The following PLEKHH1 variants were observed in gnomAD, a reference collection of about 807,000 sequenced individuals.
PLEKHH1 encodes the protein pleckstrin homology, MyTH4 and FERM domain containing H1, also known as pleckstrin homology domain-containing family H member 1.
In PLEKHH1, 104 loss-of-function variants were observed where a neutral mutation model predicts 160.0. The ratio of observed to expected loss-of-function variants is 0.65; its 90% CI spans 0.55 to 0.76. The LOEUF (loss-of-function observed/expected upper bound fraction) is 0.76. Ranked by LOEUF, PLEKHH1 falls within the 30% of genes least tolerant of loss-of-function variation. The probability of loss-of-function intolerance (pLI) is 0.00; values close to 1 mark genes in which losing one functional copy is unlikely to be tolerated. For synonymous variants in PLEKHH1, 619 were observed against 678.4 expected, an observed-to-expected ratio of 0.91 and a Z score of 1.36; for missense variants, 1,427 against 1,724.1, an observed-to-expected ratio of 0.83 and a Z score of 3.05.
At chr14:67,558,709 G>T (rs1373461735) in intron 4 of PLEKHH1, among the ~76,000 whole-genome samples, 1 of 152,230 alleles carries the variant, frequency 6.6e-6, no homozygotes, top group East Asian at 1.9e-4. Context: ...ACAGAGGCAA[G>T]TCACTTCTTG....
Position 67,569,964 on chromosome 14 carries a change from C to G in PLEKHH1, c.1386C>G (p.Gly462=), listed in dbSNP as rs1193285513. The change falls in exon 9 of 29, where the codon GGC becomes GGG. Residue 462 remains glycine, a synonymous_variant. Transcript: ENST00000329153. ...TTGTTTCCCCTGGGTCTTTCTCTGG[C>G]CTGGTCTACAAGAATGTCACTGTGC... ...PALVSPGSFS[G]LVYKNVTVPV... 1.2e-6 allele frequency: 2 copies of G among 1,609,930 alleles called. No individual in the cohort carries two copies. Among genetic ancestry groups the G allele is most frequent in the Admixed American group, 3.4e-5 (2 of 59,560 alleles).
Position 67,574,231 on chromosome 14 carries a change from G to A in PLEKHH1, c.1927-11G>A, listed in dbSNP as rs748238113. On this transcript the variant is annotated splice_polypyrimidine_tract_variant and intron_variant, in intron 13 of 28. Transcript: ENST00000329153. The surrounding 1 kb of genome is among the most constrained non-coding windows in gnomAD (Gnocchi z 4.2). ...GCGTGCTGCCCCACCCCCATATCTC[G>A]CCCTCCACAGCTCATCTCTGAGAAG... 55 of 1,581,640 alleles carry A rather than the reference G, an allele frequency of 3.5e-5. No individual in the cohort carries two copies. The highest frequency in any genetic ancestry group is 5.4e-5 in the Admixed American group (3 of 55,732).
In PLEKHH1 at chr14:67,555,856, C is replaced by T. The variant is rs754300896; in HGVS notation, c.158C>T (p.Ala53Val). 6.2e-7 allele frequency: 1 copy of T among 1,613,426 alleles called. No homozygotes were observed. The highest frequency in any genetic ancestry group is 1.1e-5 in the South Asian group (1 of 91,012). ...GAGCTGGAGCAGAGGCTGCTGGAGG[C>T]AGAGCAGAGAGCAGAGAACGCTGAG... ...MQELEQRLLE[A>V]EQRAENAETQ... Residue 53 changes from alanine to valine, a missense_variant, in exon 3 of 29, where the codon GCA (alanine) becomes GTA (valine). By Grantham distance (64) the Ala-to-Val change is moderately conservative (BLOSUM62 0). Around this residue, in one of 6 missense-constraint regions of PLEKHH1, gnomAD observed 831 missense variants for 929.2 expected, o/e 0.89. Transcript: ENST00000329153.
At position 67,550,337 on chromosome 14, in the gene PLEKHH1, C is replaced by T. The variant is rs111230872; in HGVS notation, c.127-5488C>T. 8.2e-4 allele frequency among the ~76,000 whole-genome samples: 125 copies of T among 152,262 alleles called. 1 individual carries two copies. The highest frequency in any genetic ancestry group is 2.9e-3 in the African/African-American group (119 of 41,550). On this transcript the variant is annotated intron_variant, in intron 2 of 28. Transcript: ENST00000329153. ...CTAAGTAGGTGGGACCACAGTTGCA[C>T]ACCAACATGCCTGGCTGATTTTTGT...
At chr14:67,569,330 G>C (rs2035260090) in intron 8 of PLEKHH1, 114 bp downstream of exon 8, 1 of 676,364 alleles carries the variant, frequency 1.5e-6, no homozygotes, top group East Asian at 2.6e-5. Context: ...GGCCTACCCT[G>C]TTCCCCTCCC....
chr14:67,548,679 A>C (rs1682362595), intron 2 of PLEKHH1, among the ~76,000 whole-genome samples: 1 of 152,236 alleles, frequency 6.6e-6, no homozygotes, highest in African/African-American at 2.4e-5. Context: ...CTCGGGCGAC[A>C]AGAGCAAAAC....
intron 4 of PLEKHH1, among the ~76,000 whole-genome samples, chr14:67,559,356 C>T (rs2034727232): frequency 6.6e-6 from 1 of 152,226 alleles, no homozygotes; most frequent in South Asian, 2.1e-4. Flanking sequence ...GCACAGCGTT[C>T]TCCTTCCATG....
chr14:67,573,432 C>A lies in PLEKHH1; in HGVS notation c.1839+46C>A. ...CACTGCAGTCAAAAGGTCTCCACAT[C>A]ACACCCTGGACTATGTCAGATGGGA... is the stretch of plus-strand genomic sequence containing the variant. On this transcript the variant is annotated intron_variant, in intron 12 of 28. Coordinates refer to ENST00000329153, the MANE Select transcript of PLEKHH1 (RefSeq NM_020715.3). This position sits in a 1 kb window ranked among gnomAD's most constrained non-coding sequence, Gnocchi z 4.8. 8.8e-7 allele frequency: 1 copy of A among 1,140,256 alleles called. No individual in the cohort carries two copies. Among genetic ancestry groups the A allele is most frequent in the Non-Finnish European group, 1.3e-6 (1 of 750,346 alleles). The allele number at this position is 1,140,256 out of a possible 1,614,324, so 70.6% of individuals were successfully genotyped here.
Position 67,569,152 on chromosome 14 carries a change from T to C in PLEKHH1, c.1278T>C (p.Tyr426=). Residue 426 remains tyrosine, a synonymous_variant, in exon 8 of 29, where the codon TAT becomes TAC. Coordinates refer to ENST00000329153, the MANE Select transcript of PLEKHH1 (RefSeq NM_020715.3). The part of the protein sequence containing the change: ...HQFSSWESRI[Y]AVATSGMRLS... ...TCTTGTTTCAGGAGAGCCGGATCTATGCTGTGGCCACATCGGGCATGCGGC... is the reference window on the plus strand; with the variant it reads ...TCTTGTTTCAGGAGAGCCGGATCTACGCTGTGGCCACATCGGGCATGCGGC... 1 of 1,612,206 alleles carries C rather than the reference T, an allele frequency of 6.2e-7. No homozygotes were observed. The highest frequency in any genetic ancestry group is 8.5e-7 in the Non-Finnish European group (1 of 1,178,610).
At chr14:67,534,046 A>T (rs974907080) in intron 1 of PLEKHH1, among the ~76,000 whole-genome samples, 9 of 152,064 alleles carry the variant, frequency 5.9e-5, no homozygotes, top group African/African-American at 2.2e-4. Flanking sequence ...CTATGAATCC[A>T]CCTCATAAAA....
At chr14:67,554,453 T>C (rs9972155) in intron 2 of PLEKHH1, among the ~76,000 whole-genome samples, 36,298 of 152,052 alleles carry the variant, frequency 0.24, 4,743 homozygotes, top group Non-Finnish European at 0.29. Context: ...GTGGAAGGCG[T>C]GGCTGGGATG....
In PLEKHH1 at chr14:67,586,081, G is replaced by C; in HGVS notation, c.3917G>C (p.Arg1306Pro). The C allele has an allele frequency of 1.2e-6, 2 of 1,613,836 alleles. No individual in the cohort carries two copies. Among genetic ancestry groups the C allele is most frequent in the Non-Finnish European group, 1.7e-6 (2 of 1,179,862 alleles). ...GKSHIEKLIF[R>P]MAAPKIAEAT... The stretch of plus-strand genomic sequence containing the variant: ...AGCCACATTGAGAAGTTGATCTTCC[G>C]GATGGCTGCTCCCAAGGTAGGTCTG... Residue 1306 changes from arginine to proline, a missense_variant, in exon 28 of 29, where the codon CGG becomes CCG. Arg to Pro is a moderately radical substitution (Grantham distance 103, BLOSUM62 -2). This residue lies in a region of PLEKHH1 where 96 missense variants were observed against 97.6 expected (regional missense o/e 0.98). Coordinates refer to ENST00000329153, the MANE Select transcript of PLEKHH1 (RefSeq NM_020715.3).
intron 3 of PLEKHH1, among the ~76,000 whole-genome samples, chr14:67,556,415 C>T (rs1566734370): frequency 2.6e-5 from 4 of 152,100 alleles, no homozygotes; most frequent in African/African-American, 9.7e-5. Context: ...AGATTACAGG[C>T]GTGAGCCACT....
chr14:67,537,360 A>G (rs2033774206), intron 1 of PLEKHH1, among the ~76,000 whole-genome samples: 1 of 136,494 alleles, frequency 7.3e-6, no homozygotes, highest in African/African-American at 2.8e-5. Flanking sequence ...AATAATAATA[A>G]TAATAATAAT....
At chr14:67,561,031 GACAA>G (rs2034814066) in intron 5 of PLEKHH1, among the ~76,000 whole-genome samples, 1 of 152,144 alleles carries the variant, frequency 6.6e-6, no homozygotes, top group Non-Finnish European at 1.5e-5. Context: ...ACACCCGGCT[GACAA>G]ACATACATCT....
chr14:67,578,288 T>A lies in PLEKHH1; in HGVS notation c.2751+89T>A, dbSNP rs2035722310. ...GTGGGAGGAGGTGACTGGGCAGGTA[T>A]ACGGTGAGCCCAGCCAGCGGGCAGC... is the stretch of plus-strand genomic sequence containing the variant. On this transcript the variant is annotated intron_variant, in intron 19 of 28. Transcript: ENST00000329153. The surrounding 1 kb of genome is among the most constrained non-coding windows in gnomAD (Gnocchi z 5.0). 13 of 1,203,208 alleles carry A rather than the reference T, an allele frequency of 1.1e-5. No individual in the cohort carries two copies. Among genetic ancestry groups the A allele is most frequent in the Admixed American group, 3.6e-5 (2 of 56,322 alleles). 74.5% of individuals were successfully genotyped at this position (1,203,208 alleles called of 1,614,324 possible).
chr14:67,541,991 A>G lies in PLEKHH1; in HGVS notation c.124A>G (p.Lys42Glu). 3 of 1,603,988 alleles carry G rather than the reference A, an allele frequency of 1.9e-6. No individual in the cohort carries two copies. Among genetic ancestry groups the G allele is most frequent in the Non-Finnish European group, 2.6e-6 (3 of 1,175,800 alleles). The change falls in exon 2 of 29, where the codon AAG becomes GAG. Residue 42 changes from lysine (K) to glutamate (E), a missense_variant and splice_region_variant. By Grantham distance (56) the Lys-to-Glu change is moderately conservative. Coordinates refer to ENST00000329153, the MANE Select transcript of PLEKHH1 (RefSeq NM_020715.3). ...ASKIRELLADKMQELEQRLLE... is the reference protein window; with the variant it reads ...ASKIRELLADEMQELEQRLLE... Reference sequence around the variant, plus strand: ...CAAGATAAGGGAGCTGCTGGCTGACAAGGTGAGTCCCTCAGAGCAGGGAGC... The same window carrying G: ...CAAGATAAGGGAGCTGCTGGCTGACGAGGTGAGTCCCTCAGAGCAGGGAGC...
intron 1 of PLEKHH1, 88 bp from the exon 2 acceptor site, chr14:67,541,746 G>C: frequency 1.2e-6 from 1 of 869,430 alleles, no homozygotes; most frequent in East Asian, 3.0e-5. Context: ...TGTTTTCTCT[G>C]TCCTTTGGTC....
At chr14:67,548,588 T>C (rs569613310) in intron 2 of PLEKHH1, among the ~76,000 whole-genome samples, 5 of 152,142 alleles carry the variant, frequency 3.3e-5, no homozygotes, top group African/African-American at 9.6e-5. Context: ...TCCCAGCTAC[T>C]CTGGAGGCTG....
Sources: allele counts gnomAD v4.1 joint callset (sites outside exome capture counted in the v4.1 genomes callset), GRCh38; gene constraint gnomAD v4.1.1; regional missense constraint gnomAD v4.1.1; non-coding constraint Gnocchi (gnomAD v3.1); transcripts MANE v1.5; gene names NCBI Gene and HGNC (gene_info 2026-07-23, HGNC 2026-07-21).